The following SLC4A10 variants were observed in gnomAD, a reference collection of about 807,000 sequenced individuals.
SLC4A10 encodes the protein solute carrier family 4 member 10, also known as sodium-driven chloride bicarbonate exchanger.
Under a neutral mutation model 137.7 loss-of-function variants are expected in SLC4A10, and 42 were observed. The ratio of observed to expected loss-of-function variants is 0.30; its 90% CI spans 0.24 to 0.39. The LOEUF is 0.39. SLC4A10 is among the 10% of genes least tolerant of loss of function. The probability of loss-of-function intolerance (pLI) is 1.00; values close to 1 mark genes in which losing one functional copy is unlikely to be tolerated. For missense variants in SLC4A10, 925 were observed against 1,355.0 expected, an observed-to-expected ratio of 0.68 and a Z score of 4.98; for synonymous variants, 474 against 464.1, an observed-to-expected ratio of 1.02 and a Z score of -0.27.
chr2:161,893,917 T>C (rs1297492789), intron 10 of SLC4A10, among the ~76,000 whole-genome samples: 1 of 151,924 alleles, frequency 6.6e-6, no homozygotes, highest in Non-Finnish European at 1.5e-5. Flanking sequence ...GTGGAAACTA[T>C]GTTTTTGACT....
At chr2:161,876,819 A>T (rs2061477456) in intron 8 of SLC4A10, among the ~76,000 whole-genome samples, 1 of 151,984 alleles carries the variant, frequency 6.6e-6, no homozygotes, top group African/African-American at 2.4e-5. Flanking sequence ...ATAGAATAAT[A>T]TAATTAGATA....
rs1221709021 is a variant in SLC4A10, at chr2:161,828,808, A to ATATGTG, written c.278-10980_278-10979insATGTGT. On this transcript the variant is annotated intron_variant, in intron 3 of 26. Coordinates refer to ENST00000446997, the MANE Select transcript of SLC4A10 (RefSeq NM_001178015.2). Reference sequence around the variant, plus strand: ...TATATATATATATATATATATATATATGTATAATCTACATCTGCATCAAAT... The same window carrying ATATGTG: ...TATATATATATATATATATATATATATATGTGTGTATAATCTACATCTGCATCAAAT... 5.7e-4 allele frequency among the ~76,000 whole-genome samples: 70 copies of ATATGTG among 122,518 alleles called. 2 individuals are homozygous for ATATGTG. The highest frequency in any genetic ancestry group is 9.6e-4 in the African/African-American group (31 of 32,414). The allele number at this position is 122,518 out of a possible 152,430, so 80.4% of individuals were successfully genotyped here. A position where few individuals can be genotyped will look rare whatever the true frequency, so the allele number is the denominator to read the frequency against.
chr2:161,680,579 T>G (rs2040742655), intron 1 of SLC4A10, among the ~76,000 whole-genome samples: 1 of 151,962 alleles, frequency 6.6e-6, no homozygotes, highest in Admixed American at 6.6e-5. Flanking sequence ...GATAGAGAGT[T>G]TTAAGCTTGA....
At chr2:161,855,185 C>G in intron 5 of SLC4A10, 55 bp downstream of exon 5, 1 of 1,499,820 alleles carries the variant, frequency 6.7e-7, no homozygotes, top group Non-Finnish European at 9.0e-7. Flanking sequence ...TTTTGTTACT[C>G]TCTTTTCCTT....
At position 161,712,924 on chromosome 2, in the gene SLC4A10, C is replaced by A. The variant is rs1035942188; in HGVS notation, c.49-58049C>A. 5.9e-5 allele frequency among the ~76,000 whole-genome samples: 9 copies of A among 151,808 alleles called. No homozygotes were observed. In the East Asian group the frequency reaches 1.7e-3, roughly 29 times the overall value. On this transcript the variant is annotated intron_variant, in intron 1 of 26. Coordinates refer to ENST00000446997, the MANE Select transcript of SLC4A10 (RefSeq NM_001178015.2). ...ATGTTCTAGAAAGAATTGTACTGGG[C>A]AAGGATATAAAAGTCTGTAGGTCTC...
chr2:161,736,920 G>T (rs2125221066), intron 1 of SLC4A10, among the ~76,000 whole-genome samples: 1 of 152,172 alleles, frequency 6.6e-6, no homozygotes, highest in African/African-American at 2.4e-5. Context: ...GTGTGCAGTG[G>T]CACAATCATT....
intron 4 of SLC4A10, among the ~76,000 whole-genome samples, chr2:161,852,201 A>G (rs1442193062): frequency 2.0e-5 from 3 of 152,222 alleles, no homozygotes; most frequent in African/African-American, 7.2e-5. Context: ...CCATAGAGAA[A>G]AACCTGTATT....
intron 4 of SLC4A10, among the ~76,000 whole-genome samples, chr2:161,843,702 C>G (rs2059329297): frequency 6.6e-6 from 1 of 152,152 alleles, no homozygotes; most frequent in South Asian, 2.1e-4. Context: ...TGATTTTTCA[C>G]ATGCAATTTA....
intron 5 of SLC4A10, among the ~76,000 whole-genome samples, chr2:161,861,919 A>G (rs2060456319): frequency 1.3e-5 from 2 of 152,186 alleles, no homozygotes; most frequent in South Asian, 4.1e-4. Flanking sequence ...GCATTCTGCT[A>G]ACTTTGAAAC....
intron 2 of SLC4A10, among the ~76,000 whole-genome samples, chr2:161,793,018 C>G (rs1574992907): frequency 6.6e-6 from 1 of 152,130 alleles, no homozygotes; most frequent in East Asian, 1.9e-4. Context: ...TTAGCAGTAC[C>G]AGAATCATTG....
At chr2:161,930,243 G>T (rs1235033158) in intron 15 of SLC4A10, among the ~76,000 whole-genome samples, 1 of 152,042 alleles carries the variant, frequency 6.6e-6, no homozygotes, top group Non-Finnish European at 1.5e-5. Context: ...ATGCACTGCT[G>T]GATTCTTTCC....
chr2:161,923,193 A>G (rs1351466646), intron 15 of SLC4A10, among the ~76,000 whole-genome samples: 1 of 152,226 alleles, frequency 6.6e-6, no homozygotes, highest in African/African-American at 2.4e-5. Flanking sequence ...TATATAAACA[A>G]GATCGCTTAG....
chr2:161,934,901 C>T (rs1443605044), intron 15 of SLC4A10, among the ~76,000 whole-genome samples: 2 of 151,804 alleles, frequency 1.3e-5, no homozygotes, highest in East Asian at 3.9e-4. Context: ...ATTCACTCTG[C>T]TGATTATTTT....
At chr2:161,699,774 A>G (rs1344696176) in intron 1 of SLC4A10, among the ~76,000 whole-genome samples, 2 of 152,182 alleles carry the variant, frequency 1.3e-5, no homozygotes, top group Non-Finnish European at 2.9e-5. Flanking sequence ...ACTTTGATGG[A>G]TAGATAAGAT....
chr2:161,785,269 G>A (rs536224184), intron 2 of SLC4A10, among the ~76,000 whole-genome samples: 1 of 151,720 alleles, frequency 6.6e-6, no homozygotes, highest in African/African-American at 2.4e-5. Flanking sequence ...AAAATCCCAG[G>A]AACAGATGGC....
intron 18 of SLC4A10, among the ~76,000 whole-genome samples, chr2:161,949,479 GA>G (rs1437752842): frequency 7.3e-5 from 11 of 151,654 alleles, no homozygotes; most frequent in Non-Finnish European, 1.3e-4. Flanking sequence ...AAACTTGCTT[GA>G]AAAAAATTTC....
chr2:161,787,484 T>G (rs2053755399), intron 2 of SLC4A10, among the ~76,000 whole-genome samples: 1 of 152,148 alleles, frequency 6.6e-6, no homozygotes, highest in African/African-American at 2.4e-5. Context: ...ATCAGGGAAA[T>G]TTTTCTGAAT....
chr2:161,706,563 G>A (rs1046183323), intron 1 of SLC4A10, among the ~76,000 whole-genome samples: 3 of 151,266 alleles, frequency 2.0e-5, no homozygotes, highest in East Asian at 3.9e-4. Context: ...TTTGTCTCCC[G>A]TCCTCCAGTT....
At chr2:161,818,030 G>A (rs937460766) in intron 3 of SLC4A10, among the ~76,000 whole-genome samples, 3 of 152,128 alleles carry the variant, frequency 2.0e-5, no homozygotes, top group African/African-American at 7.2e-5. Context: ...GTCATTGGTA[G>A]CTTGATGGGG....
Sources: allele counts gnomAD v4.1 joint callset (sites outside exome capture counted in the v4.1 genomes callset), GRCh38; gene constraint gnomAD v4.1.1; transcripts MANE v1.5; gene names NCBI Gene and HGNC (gene_info 2026-07-23, HGNC 2026-07-21).